Variants in CEP128 observed in about 807,000 individuals in gnomAD.
The protein encoded by CEP128 is centrosomal protein 128.
In CEP128, 132 loss-of-function variants were observed where a neutral mutation model predicts 156.7. That is an observed-to-expected ratio of 0.84 (90% confidence interval 0.73 to 0.97). CEP128 has a LOEUF of 0.97. Ranked by LOEUF, CEP128 falls within the 50% of genes least tolerant of loss-of-function variation. CEP128 has a pLI of 0.00. For synonymous variants in CEP128, 469 were observed against 448.9 expected (o/e 1.04, Z -0.57); for missense variants, 1,252 against 1,281.9 (o/e 0.98, Z 0.36).
At chr14:80,686,220 A>C (rs1426683364) in intron 19 of CEP128, among the ~76,000 whole-genome samples, 1 of 152,036 alleles carries the variant, frequency 6.6e-6, no homozygotes, top group Admixed American at 6.6e-5. Context: ...TATAATATTC[A>C]AACAGCAGAC....
chr14:80,636,481 C>A (rs1894185168), intron 19 of CEP128, among the ~76,000 whole-genome samples: 1 of 152,122 alleles, frequency 6.6e-6, no homozygotes. Context: ...ATTGTTGCCT[C>A]CAGGCTTTGC....
At chr14:80,645,489 T>C (rs1418064445) in intron 19 of CEP128, among the ~76,000 whole-genome samples, 1 of 152,048 alleles carries the variant, frequency 6.6e-6, no homozygotes, top group East Asian at 1.9e-4. Context: ...TAATGTGTTA[T>C]GACAATATTA....
chr14:80,876,922 CA>C (rs1368354832), intron 8 of CEP128, among the ~76,000 whole-genome samples: 1 of 151,916 alleles, frequency 6.6e-6, no homozygotes, highest in African/African-American at 2.4e-5. Flanking sequence ...GACTGAAGAA[CA>C]AAAAACAGTA....
intron 8 of CEP128, among the ~76,000 whole-genome samples, chr14:80,892,913 G>C (rs1029109197): frequency 6.6e-6 from 1 of 151,826 alleles, no homozygotes; most frequent in Non-Finnish European, 1.5e-5. Context: ...ATGTTGACAA[G>C]AGTATACAGA....
At chr14:80,947,769 G>T (rs979266021) in intron 2 of CEP128, among the ~76,000 whole-genome samples, 3 of 152,208 alleles carry the variant, frequency 2.0e-5, no homozygotes, top group Non-Finnish European at 4.4e-5. Flanking sequence ...ATAGGAGGTT[G>T]GGGAGGCAGA....
intron 19 of CEP128, among the ~76,000 whole-genome samples, chr14:80,713,196 T>G (rs1897476059): frequency 6.6e-6 from 1 of 152,142 alleles, no homozygotes; most frequent in African/African-American, 2.4e-5. Context: ...ACACCACACT[T>G]ACTCACTGGA....
At chr14:80,895,848 G>A (rs1206251556) in intron 7 of CEP128, 58 bp from the exon 8 acceptor site, 13 of 1,157,636 alleles carry the variant, frequency 1.1e-5, no homozygotes, top group African/African-American at 1.1e-4. Flanking sequence ...TACACAGAAC[G>A]AGTGAAATGT....
intron 12 of CEP128, 127 bp downstream of exon 12, chr14:80,836,078 G>A: frequency 3.5e-6 from 3 of 855,080 alleles, no homozygotes; most frequent in Non-Finnish European, 5.6e-6. Flanking sequence ...ATGTTTAATA[G>A]ATCAAGAAAT....
At chr14:80,657,478 C>T (rs551901136) in intron 19 of CEP128, among the ~76,000 whole-genome samples, 1 of 151,550 alleles carries the variant, frequency 6.6e-6, no homozygotes, top group African/African-American at 2.4e-5. Context: ...TGGCGAAACT[C>T]TGTCTCTACT....
rs968885005 is a variant in CEP128 at position 80,831,304 on chromosome 14, T to C, written c.1058-10A>G. On this transcript the variant is annotated splice_polypyrimidine_tract_variant and intron_variant, in intron 12 of 24. Coordinates refer to ENST00000555265, the MANE Select transcript of CEP128 (RefSeq NM_152446.5). ...TTTTCCCGCTCAACCCCTTAAAAGA[T>C]AAAATGTAAGGCTCAAGGGTTGTTC... is the stretch of plus-strand genomic sequence containing the variant. The C allele has an allele frequency of 3.7e-6, 6 of 1,613,652 alleles. No homozygotes were observed. The African/African-American group carries it at 4.0e-5, about 11-fold the overall frequency.
chr14:80,566,543 T>A (rs1347123531), intron 20 of CEP128, among the ~76,000 whole-genome samples: 1 of 152,216 alleles, frequency 6.6e-6, no homozygotes, highest in South Asian at 2.1e-4. Context: ...ACTATCTCAG[T>A]GTAGCAACAT....
At chr14:80,668,803 G>A (rs1015133875) in intron 19 of CEP128, among the ~76,000 whole-genome samples, 4 of 152,128 alleles carry the variant, frequency 2.6e-5, no homozygotes, top group African/African-American at 4.8e-5. Flanking sequence ...GGAGGGACCC[G>A]TGGGAGGTAA....
rs539384548 is a variant in CEP128, at chr14:80,908,941, A to AT, written c.235-2861dup. ...TCATTTCCAATTCACCACTTTGCCT[A>AT]TACTATCACCCTTTGGGGTCTCCAT... is the stretch of plus-strand genomic sequence containing the variant. On this transcript the variant is annotated intron_variant, in intron 4 of 24. Transcript: ENST00000555265. Among the ~76,000 whole-genome samples, 505 of 152,126 alleles carry AT rather than the reference A, an allele frequency of 3.3e-3. 1 individual carries two copies. The highest frequency in any genetic ancestry group is 0.014 in the Middle Eastern group (4 of 294).
chr14:80,534,324 C>T (rs1211628339), intron 21 of CEP128, among the ~76,000 whole-genome samples: 1 of 152,018 alleles, frequency 6.6e-6, no homozygotes, highest in East Asian at 1.9e-4. Context: ...AAGCTCACAG[C>T]CAGAGAGACA....
intron 2 of CEP128, among the ~76,000 whole-genome samples, chr14:80,947,471 G>T (rs980413686): frequency 6.7e-6 from 1 of 148,414 alleles, no homozygotes; most frequent in African/African-American, 2.5e-5. Flanking sequence ...GTAGGACCCT[G>T]TGAAAAATGA....
chr14:80,727,851 T>C (rs1351386797), intron 19 of CEP128, among the ~76,000 whole-genome samples: 1 of 151,850 alleles, frequency 6.6e-6, no homozygotes, highest in African/African-American at 2.4e-5. Context: ...TATTAAAAAA[T>C]CAAAAAATAA....
chr14:80,524,923 T>G (rs893272344), intron 23 of CEP128, among the ~76,000 whole-genome samples: 1 of 152,206 alleles, frequency 6.6e-6, no homozygotes, highest in Non-Finnish European at 1.5e-5. Flanking sequence ...TAGGCCTGAT[T>G]CCCTCTTCAG....
At chr14:80,588,466 G>T (rs1350129491) in intron 19 of CEP128, among the ~76,000 whole-genome samples, 2 of 151,816 alleles carry the variant, frequency 1.3e-5, no homozygotes, top group African/African-American at 4.8e-5. Flanking sequence ...ATTCTCTCAG[G>T]GAAGTAAATG....
chr14:80,811,741 CAGAT>C (rs1465003570), intron 13 of CEP128, among the ~76,000 whole-genome samples: 1 of 148,900 alleles, frequency 6.7e-6, no homozygotes, highest in African/African-American at 2.5e-5. Flanking sequence ...ATGTATTATC[CAGAT>C]AGACAGGTAA....
Sources: allele counts gnomAD v4.1 joint callset (sites outside exome capture counted in the v4.1 genomes callset), GRCh38; gene constraint gnomAD v4.1.1; transcripts MANE v1.5; gene names NCBI Gene and HGNC (gene_info 2026-07-23, HGNC 2026-07-21).